The following GLP2R variants were observed in gnomAD, a reference collection of about 807,000 sequenced individuals.
GLP2R encodes glucagon-like peptide 2 receptor.
A neutral mutation model predicts 68.2 loss-of-function variants in GLP2R; 59 were observed. The observed-to-expected ratio is 0.87, with a 90% CI of 0.70 to 1.07. The LOEUF (loss-of-function observed/expected upper bound fraction) is 1.07. Ranked by LOEUF, GLP2R falls within the 50% of genes least tolerant of loss-of-function variation. GLP2R has a pLI of 0.00. For missense variants in GLP2R, 548 were observed against 677.4 expected (o/e 0.81, Z 2.12); for synonymous variants, 270 against 265.4 (o/e 1.02, Z -0.17).
At chr17:9,869,749 G>A (rs1049515573) in intron 9 of GLP2R, among the ~76,000 whole-genome samples, 2 of 152,228 alleles carry the variant, frequency 1.3e-5, no homozygotes, top group African/African-American at 4.8e-5. Flanking sequence ...GAGAGAGAAA[G>A]AGAGAGCTGG....
Position 9,850,692 on chromosome 17 carries a change from C to CTTT in GLP2R, c.505-3788_505-3786dup, listed in dbSNP as rs11288196. ...CCTTACCCTACCGATGATTTTTTCACTTTTTTTTTTTTTTTTTGAGCCGGG... is the reference window on the plus strand; with the variant it reads ...CCTTACCCTACCGATGATTTTTTCACTTTTTTTTTTTTTTTTTTTTGAGCCGGG... On this transcript the variant is annotated intron_variant, in intron 4 of 12. Coordinates refer to ENST00000262441, the MANE Select transcript of GLP2R (RefSeq NM_004246.3). 1.1e-3 allele frequency among the ~76,000 whole-genome samples: 136 copies of CTTT among 125,966 alleles called. 4 individuals are homozygous for CTTT. Among genetic ancestry groups the CTTT allele is most frequent in the East Asian group, 9.5e-3 (40 of 4,218 alleles). 82.6% of individuals were successfully genotyped at this position (125,966 alleles called of 152,430 possible).
At position 9,826,190 on chromosome 17, in the gene GLP2R, T is replaced by C; in HGVS notation, c.127T>C (p.Cys43Arg). 1.2e-6 allele frequency: 2 copies of C among 1,613,566 alleles called. No individual in the cohort carries two copies. The highest frequency in any genetic ancestry group is 1.7e-6 in the Non-Finnish European group (2 of 1,179,838). ...GTSPLSFHRK[C>R]SLWAPGRPFL... ...CAGTCCTCTCTCCTTCCACAGGAAG[T>C]GCTCTCTCTGGGCCCCTGGGAGGCC... The change falls in exon 1 of 13, where the codon TGC becomes CGC. Residue 43 changes from cysteine (C) to arginine (R), a missense_variant. Cys to Arg is a radical substitution (Grantham distance 180). Transcript: ENST00000262441.
At chr17:9,840,336 AT>A (rs1319716135) in intron 3 of GLP2R, among the ~76,000 whole-genome samples, 1 of 151,834 alleles carries the variant, frequency 6.6e-6, no homozygotes, top group African/African-American at 2.4e-5. Flanking sequence ...GTTTACGGCG[AT>A]TTTTCTTTGC....
intron 10 of GLP2R, among the ~76,000 whole-genome samples, chr17:9,874,896 C>T (rs1463197294): frequency 6.6e-6 from 1 of 152,184 alleles, no homozygotes; most frequent in Non-Finnish European, 1.5e-5. Context: ...ACAGCACCAC[C>T]TACCTGTTGG....
chr17:9,890,309 A>C lies in GLP2R; in HGVS notation c.*604A>C. On this transcript the variant is annotated 3_prime_UTR_variant, in exon 13 of 13. Transcript: ENST00000262441. The stretch of plus-strand genomic sequence containing the variant: ...GCCATGGCAGGATGCTGCAAGAGAC[A>C]GTCTGCTCTCCCAGGTCAGCTGGGG... 3.1e-6 allele frequency: 1 copy of C among 318,614 alleles called. No individual in the cohort carries two copies. The highest frequency in any genetic ancestry group is 6.1e-6 in the Non-Finnish European group (1 of 162,944). 19.7% of individuals were successfully genotyped at this position (318,614 alleles called of 1,614,324 possible). A position where few individuals can be genotyped will look rare whatever the true frequency, so the allele number is the denominator to read the frequency against.
chr17:9,833,655 G>T (rs972422308), intron 1 of GLP2R, 152 bp from the exon 2 acceptor site: 2 of 596,024 alleles, frequency 3.4e-6, no homozygotes, highest in Non-Finnish European at 6.0e-6. Context: ...GTACTCTTAA[G>T]ATAGAACATA....
intron 4 of GLP2R, among the ~76,000 whole-genome samples, chr17:9,850,724 C>CTCTCTCT (rs56828216): frequency 0.22 from 31,234 of 139,988 alleles, 5,390 homozygotes; most frequent in African/African-American, 0.46. Context: ...CGGGATCTCT[C>CTCTCTCT]TCTCTCTCAC....
At chr17:9,869,817 A>G (rs1208540482) in intron 9 of GLP2R, among the ~76,000 whole-genome samples, 2 of 152,254 alleles carry the variant, frequency 1.3e-5, no homozygotes, top group Non-Finnish European at 2.9e-5. Context: ...CACCACTTCT[A>G]TGACACCATA....
intron 1 of GLP2R, among the ~76,000 whole-genome samples, chr17:9,829,738 T>A (rs2066663574): frequency 6.6e-6 from 1 of 152,192 alleles, no homozygotes; most frequent in Non-Finnish European, 1.5e-5. Context: ...TGTCTTTCAT[T>A]CACAGAGAGA....
intron 5 of GLP2R, among the ~76,000 whole-genome samples, chr17:9,856,272 G>A (rs1011552545): frequency 1.3e-5 from 2 of 152,156 alleles, no homozygotes; most frequent in African/African-American, 4.8e-5. Context: ...AAGTCACTTC[G>A]GCCAAGCCTG....
chr17:9,836,839 T>TTATTATTAC (rs1225273821), intron 3 of GLP2R, among the ~76,000 whole-genome samples: 1 of 151,326 alleles, frequency 6.6e-6, no homozygotes, highest in Non-Finnish European at 1.5e-5. Flanking sequence ...ATTATTATTA[T>TTATTATTAC]TATTATTACT....
chr17:9,845,752 T>C (rs2066831804), intron 4 of GLP2R, among the ~76,000 whole-genome samples: 5 of 88,104 alleles, frequency 5.7e-5, no homozygotes, highest in Admixed American at 5.4e-4. Context: ...TGTGTGCGTG[T>C]GTGTGTGTGT....
At chr17:9,838,304 A>C (rs2066752515) in intron 3 of GLP2R, among the ~76,000 whole-genome samples, 1 of 152,140 alleles carries the variant, frequency 6.6e-6, no homozygotes, top group South Asian at 2.1e-4. Context: ...AGGGAAGGAG[A>C]GTTGCTAATT....
At position 9,855,079 on chromosome 17, in the gene GLP2R, G is replaced by A. The variant is rs746034952; in HGVS notation, c.611+478G>A. 1.2e-4 allele frequency among the ~76,000 whole-genome samples: 19 copies of A among 152,052 alleles called. 1 individual carries two copies. Among genetic ancestry groups the A allele is most frequent in the Non-Finnish European group, 1.8e-4 (12 of 68,010 alleles). Reference sequence around the variant, plus strand: ...GTTTTTCGTTTAATATTTTTGAGCCGCAGTGCACCATGATTGACTGCAGGT... The same window carrying A: ...GTTTTTCGTTTAATATTTTTGAGCCACAGTGCACCATGATTGACTGCAGGT... On this transcript the variant is annotated intron_variant, in intron 5 of 12. Transcript: ENST00000262441.
chr17:9,873,940 C>T lies in GLP2R; in HGVS notation c.1145+3105C>T, dbSNP rs543152226. Among the ~76,000 whole-genome samples, 18 of 152,108 alleles carry T rather than the reference C, an allele frequency of 1.2e-4. No individual in the cohort carries two copies. The South Asian group carries it at 3.7e-3, about 32-fold the overall frequency. ...CCTCAATGTTCTCTTTTCCAGAGTC[C>T]CCTCTAGAGTTTTCAGACTTTTCTG... On this transcript the variant is annotated intron_variant, in intron 10 of 12. Coordinates refer to ENST00000262441, the MANE Select transcript of GLP2R (RefSeq NM_004246.3).
At chr17:9,835,475 A>G (rs900346149) in intron 2 of GLP2R, among the ~76,000 whole-genome samples, 6 of 152,176 alleles carry the variant, frequency 3.9e-5, no homozygotes, top group African/African-American at 1.4e-4. Context: ...AGATGGTCCA[A>G]GTATCTAATA....
At chr17:9,887,463 G>T (rs1030422255) in intron 11 of GLP2R, among the ~76,000 whole-genome samples, 4 of 152,184 alleles carry the variant, frequency 2.6e-5, no homozygotes, top group Admixed American at 6.5e-5. Flanking sequence ...GGAGGCGGAG[G>T]TTGCAGTGAG....
In GLP2R at chr17:9,829,324, AT is replaced by A. The variant is rs11379790; in HGVS notation, c.189+3087del. Among the ~76,000 whole-genome samples the A allele has an allele frequency of 6.0e-3, 864 of 143,468 alleles. 3 individuals are homozygous for A. Among genetic ancestry groups the A allele is most frequent in the Middle Eastern group, 0.011 (3 of 274 alleles). 94.1% of individuals were successfully genotyped at this position (143,468 alleles called of 152,430 possible). A position where few individuals can be genotyped will look rare whatever the true frequency, so the allele number is the denominator to read the frequency against. ...AAATGGTGCATATTTAAAATTTTTA[AT>A]TTTTTTTTTTTTTTGGTGAGGGTAG... is the stretch of plus-strand genomic sequence containing the variant. On this transcript the variant is annotated intron_variant, in intron 1 of 12. Coordinates refer to ENST00000262441, the MANE Select transcript of GLP2R (RefSeq NM_004246.3).
chr17:9,885,302 G>T (rs1406729316), intron 11 of GLP2R, among the ~76,000 whole-genome samples: 1 of 151,864 alleles, frequency 6.6e-6, no homozygotes, highest in African/African-American at 2.4e-5. Flanking sequence ...CCATTCTCCT[G>T]CCTCAGCCTC....
Sources: gnomAD v4.1 joint callset for allele counts (sites outside exome capture counted in the v4.1 genomes callset) on GRCh38, gnomAD v4.1.1 for gene constraint, MANE v1.5 for transcripts, NCBI Gene and HGNC (gene_info 2026-07-23, HGNC 2026-07-21) for gene names.